GIPC2: variants seen among roughly 807,000 people sequenced by gnomAD.
GIPC2 encodes PDZ domain-containing protein GIPC2.
GIPC2 carries 30 observed loss-of-function variants against 30.6 expected under a neutral mutation model. The observed-to-expected ratio is 0.98, with a 90% confidence interval of 0.73 to 1.33. The LOEUF (loss-of-function observed/expected upper bound fraction) is 1.33. Ranked by LOEUF, GIPC2 falls within the 40% of genes most tolerant of loss-of-function variation. The pLI, the probability that GIPC2 is intolerant of heterozygous loss-of-function variation, is 0.00. For synonymous variants in GIPC2, 167 were observed against 150.0 expected (o/e 1.11, Z -0.83); for missense variants, 414 against 390.3 (o/e 1.06, Z -0.51).
At chr1:78,051,455 G>A (rs1661196391) in intron 1 of GIPC2, among the ~76,000 whole-genome samples, 1 of 152,078 alleles carries the variant, frequency 6.6e-6, no homozygotes, top group African/African-American at 2.4e-5. Flanking sequence ...CATACATAAA[G>A]CAGTCAAAGA....
chr1:78,127,551 A>C (rs1662804635), intron 5 of GIPC2, among the ~76,000 whole-genome samples: 1 of 152,216 alleles, frequency 6.6e-6, no homozygotes, highest in African/African-American at 2.4e-5. Context: ...TGGCTTAGTG[A>C]GTGGAACTTC....
In GIPC2 at chr1:78,102,677, G is replaced by A. The variant is rs557435893; in HGVS notation, c.607+7545G>A. On this transcript the variant is annotated intron_variant, in intron 3 of 5. Transcript: ENST00000370759. Reference sequence around the variant, plus strand: ...GTCTCCTCATACAAAATGTGAAGATGTGTCTACCACATTGAGCTGTTGTGA... The same window carrying A: ...GTCTCCTCATACAAAATGTGAAGATATGTCTACCACATTGAGCTGTTGTGA... Among the ~76,000 whole-genome samples the A allele has an allele frequency of 1.1e-4, 17 of 152,316 alleles. No individual in the cohort carries two copies. The Middle Eastern group carries it at 0.014, about 122-fold the overall frequency.
chr1:78,118,315 A>G lies in GIPC2; in HGVS notation c.608-1078A>G, dbSNP rs1175415470. On this transcript the variant is annotated intron_variant, in intron 3 of 5. Transcript: ENST00000370759. ...AGGGCTTATATTCCCACAGCACAAT[A>G]AGTTATTGGAGTGGGGCCTACCAAA... 3.3e-5 allele frequency among the ~76,000 whole-genome samples: 4 copies of G among 123,016 alleles called. 1 individual carries two copies. Among genetic ancestry groups the G allele is most frequent in the Admixed American group, 1.8e-4 (2 of 10,926 alleles). 80.7% of individuals were successfully genotyped at this position (123,016 alleles called of 152,430 possible). A position where few individuals can be genotyped will look rare whatever the true frequency, so the allele number is the denominator to read the frequency against.
intron 2 of GIPC2, among the ~76,000 whole-genome samples, chr1:78,083,514 T>A (rs1039967610): frequency 6.6e-6 from 1 of 152,206 alleles, no homozygotes; most frequent in Non-Finnish European, 1.5e-5. Context: ...TGCTTTGATA[T>A]CATGAAAATA....
At chr1:78,063,515 C>A (rs1455734489) in intron 1 of GIPC2, among the ~76,000 whole-genome samples, 11 of 143,160 alleles carry the variant, frequency 7.7e-5, no homozygotes, top group South Asian at 2.2e-4. Flanking sequence ...AAAAAAAAAA[C>A]CAAAACAAAA....
Position 78,117,990 on chromosome 1 carries a change from A to T in GIPC2, c.608-1403A>T, listed in dbSNP as rs996913083. Among the ~76,000 whole-genome samples the T allele has an allele frequency of 1.2e-4, 18 of 150,958 alleles. 1 individual carries two copies. Among genetic ancestry groups the T allele is most frequent in the African/African-American group, 3.7e-4 (15 of 40,984 alleles). On this transcript the variant is annotated intron_variant, in intron 3 of 5. Coordinates refer to ENST00000370759, the MANE Select transcript of GIPC2 (RefSeq NM_017655.6). The stretch of plus-strand genomic sequence containing the variant: ...CACAGGGTCTCACTGTGTTGCAATC[A>T]TGGCTCACTGCAGCCTTGACCACCT...
Position 78,138,261 on chromosome 1 carries a change from T to A in GIPC2, c.*2518T>A, listed in dbSNP as rs1317411514. 2 of 152,226 alleles carry A rather than the reference T, an allele frequency of 1.3e-5. No homozygotes were observed. The highest frequency in any genetic ancestry group is 4.8e-5 in the African/African-American group (2 of 41,470). The allele number at this position is 152,226 out of a possible 1,614,324, so 9.4% of individuals were successfully genotyped here. A position where few individuals can be genotyped will look rare whatever the true frequency, so the allele number is the denominator to read the frequency against. Reference sequence around the variant, plus strand: ...GTGATGTTTCAAAAATACAATTATATAATTATGATGTAAACTCTTTAAGAA... The same window carrying A: ...GTGATGTTTCAAAAATACAATTATAAAATTATGATGTAAACTCTTTAAGAA... On this transcript the variant is annotated 3_prime_UTR_variant, in exon 6 of 6. Coordinates refer to ENST00000370759, the MANE Select transcript of GIPC2 (RefSeq NM_017655.6).
intron 2 of GIPC2, among the ~76,000 whole-genome samples, chr1:78,093,963 T>A (rs1318082613): frequency 6.6e-6 from 1 of 152,172 alleles, no homozygotes; most frequent in African/African-American, 2.4e-5. Flanking sequence ...TAGATACCAT[T>A]TTGATACTTT....
intron 1 of GIPC2, among the ~76,000 whole-genome samples, chr1:78,048,553 A>G (rs1661139162): frequency 6.6e-6 from 1 of 152,016 alleles, no homozygotes; most frequent in Admixed American, 6.6e-5. Context: ...CACCCTCCCA[A>G]GTAGCTGGGA....
At chr1:78,064,911 C>T (rs2102644210) in intron 1 of GIPC2, among the ~76,000 whole-genome samples, 1 of 151,942 alleles carries the variant, frequency 6.6e-6, no homozygotes, top group Non-Finnish European at 1.5e-5. Context: ...CCTTGGCTAA[C>T]TTTTTTGTAT....
chr1:78,074,724 A>C (rs1245737892), intron 1 of GIPC2, among the ~76,000 whole-genome samples: 1 of 152,182 alleles, frequency 6.6e-6, no homozygotes, highest in South Asian at 2.1e-4. Flanking sequence ...TTAACACATT[A>C]CAAGAATGAG....
At chr1:78,106,433 G>A (rs186647817) in intron 3 of GIPC2, among the ~76,000 whole-genome samples, 11 of 150,796 alleles carry the variant, frequency 7.3e-5, no homozygotes, top group South Asian at 2.1e-4. Flanking sequence ...GGTGGCAGGC[G>A]CCTGTAGTCC....
intron 1 of GIPC2, among the ~76,000 whole-genome samples, chr1:78,068,018 C>G (rs966416248): frequency 7.2e-5 from 11 of 152,070 alleles, no homozygotes; most frequent in Non-Finnish European, 1.5e-4. Context: ...TAGTATAAAC[C>G]TAATAAGCAA....
At chr1:78,086,890 G>C (rs1186830219) in intron 2 of GIPC2, among the ~76,000 whole-genome samples, 1 of 151,990 alleles carries the variant, frequency 6.6e-6, no homozygotes, top group African/African-American at 2.4e-5. Flanking sequence ...TCTTTATCCA[G>C]CTTGCCACTC....
intron 2 of GIPC2, among the ~76,000 whole-genome samples, chr1:78,083,394 G>T (rs1182090378): frequency 6.6e-6 from 1 of 152,118 alleles, no homozygotes; most frequent in Non-Finnish European, 1.5e-5. Context: ...CATGAAACTG[G>T]TTTGTCTCAT....
chr1:78,131,990 C>G (rs1313626896), intron 5 of GIPC2, among the ~76,000 whole-genome samples: 2 of 152,176 alleles, frequency 1.3e-5, no homozygotes, highest in African/African-American at 4.8e-5. Context: ...ATATCTTGCT[C>G]AGTTTTAATC....
chr1:78,104,583 T>G (rs964351094), intron 3 of GIPC2, among the ~76,000 whole-genome samples: 1 of 151,960 alleles, frequency 6.6e-6, no homozygotes, highest in Non-Finnish European at 1.5e-5. Context: ...GCAGTGGGAA[T>G]TCAAAGGAAA....
At chr1:78,062,511 T>C (rs532080752) in intron 1 of GIPC2, among the ~76,000 whole-genome samples, 109 of 151,890 alleles carry the variant, frequency 7.2e-4, no homozygotes, top group East Asian at 2.5e-3. Context: ...TTTTCTTTTT[T>C]TTTTTTTTTA....
At chr1:78,078,346 C>T (rs574902252) in intron 1 of GIPC2, among the ~76,000 whole-genome samples, 1 of 152,210 alleles carries the variant, frequency 6.6e-6, no homozygotes, top group South Asian at 2.1e-4. Context: ...GCTTCTTATT[C>T]TCCCGTGAAG....
Sources: allele counts gnomAD v4.1 joint callset (sites outside exome capture counted in the v4.1 genomes callset), GRCh38; gene constraint gnomAD v4.1.1; transcripts MANE v1.5; gene names NCBI Gene and HGNC (gene_info 2026-07-23, HGNC 2026-07-21).